MAP3K21: variants seen among roughly 807,000 people sequenced by gnomAD.
MAP3K21 encodes the protein mitogen-activated protein kinase kinase kinase 21.
A neutral mutation model predicts 86.1 loss-of-function variants in MAP3K21; 63 were observed. The observed-to-expected ratio is 0.73, with a 90% CI of 0.60 to 0.90. The LOEUF is 0.90. Ranked by LOEUF, MAP3K21 falls within the 40% of genes least tolerant of loss-of-function variation. The pLI is 0.00. For synonymous variants in MAP3K21, 558 were observed against 564.8 expected (o/e 0.99, Z 0.17); for missense variants, 1,220 against 1,367.7 (o/e 0.89, Z 1.70).
chr1:233,365,292 C>T (rs1235456184), intron 5 of MAP3K21, among the ~76,000 whole-genome samples: 1 of 151,958 alleles, frequency 6.6e-6, no homozygotes, highest in African/African-American at 2.4e-5. Flanking sequence ...TATATTGAAC[C>T]GAAAAGCTTC....
intron 6 of MAP3K21, among the ~76,000 whole-genome samples, chr1:233,375,095 C>T (rs890091672): frequency 6.6e-6 from 1 of 151,820 alleles, no homozygotes; most frequent in Non-Finnish European, 1.5e-5. Flanking sequence ...GCGCCCGCCA[C>T]CATGCCCAGT....
At chr1:233,335,299 G>GT (rs898532944) in intron 1 of MAP3K21, among the ~76,000 whole-genome samples, 12 of 152,124 alleles carry the variant, frequency 7.9e-5, no homozygotes, top group African/African-American at 2.7e-4. Flanking sequence ...TGTGAATTTA[G>GT]TTTTTAAAAT....
intron 3 of MAP3K21, 45 bp from the exon 4 acceptor site, chr1:233,354,791 A>ATG: frequency 2.8e-6 from 4 of 1,429,556 alleles, no homozygotes; most frequent in Non-Finnish European, 3.8e-6. Context: ...AGCAACTCTA[A>ATG]ACTGCGTTGA....
Position 233,327,814 on chromosome 1 carries a change from G to A in MAP3K21, c.-215G>A. 2.8e-6 allele frequency: 1 copy of A among 359,698 alleles called. No individual in the cohort carries two copies. Among genetic ancestry groups the A allele is most frequent in the Non-Finnish European group, 4.9e-6 (1 of 205,494 alleles). 22.3% of individuals were successfully genotyped at this position (359,698 alleles called of 1,614,324 possible). ...GTGGGACGTCGCCCGCGGCTTCGGG[G>A]ACCGCTGCGGCAGCAGAGGCGGCTG... On this transcript the variant is annotated 5_prime_UTR_variant, in exon 1 of 10. Transcript: ENST00000366624.
intron 1 of MAP3K21, among the ~76,000 whole-genome samples, chr1:233,330,247 T>G (rs1662785724): frequency 6.6e-6 from 1 of 152,176 alleles, no homozygotes; most frequent in Non-Finnish European, 1.5e-5. Flanking sequence ...CCCCCAAGTC[T>G]CTCTATAATT....
intron 6 of MAP3K21, 188 bp downstream of exon 6, chr1:233,372,348 A>G (rs1241240279): frequency 1.6e-5 from 10 of 625,610 alleles, no homozygotes; most frequent in Non-Finnish European, 2.5e-5. Context: ...TCTTCTACTC[A>G]CAAAAAATGA....
At position 233,328,406 on chromosome 1, in the gene MAP3K21, G is replaced by A; in HGVS notation, c.378G>A (p.Leu126=). The A allele has an allele frequency of 1.3e-6, 2 of 1,491,978 alleles. No homozygotes were observed. Among genetic ancestry groups the A allele is most frequent in the Non-Finnish European group, 1.8e-6 (2 of 1,128,892 alleles). 92.4% of individuals were successfully genotyped at this position (1,491,978 alleles called of 1,614,324 possible). The part of the protein sequence containing the change: ...PVHVAFERLE[L]KELIGAGGFG... ...ACGTCGCCTTCGAGCGGCTGGAGCTGAAGGAGCTCATCGGCGCTGGGGGCT... is the reference window on the plus strand; with the variant it reads ...ACGTCGCCTTCGAGCGGCTGGAGCTAAAGGAGCTCATCGGCGCTGGGGGCT... The change falls in exon 1 of 10, where the codon CTG becomes CTA. Residue 126 remains leucine (L), a synonymous_variant. Coordinates refer to ENST00000366624, the MANE Select transcript of MAP3K21 (RefSeq NM_032435.3). The surrounding 1 kb of genome is among the most constrained non-coding windows in gnomAD (Gnocchi z 8.7).
intron 1 of MAP3K21, among the ~76,000 whole-genome samples, chr1:233,339,899 C>G (rs1160017575): frequency 6.6e-6 from 1 of 152,078 alleles, no homozygotes; most frequent in Non-Finnish European, 1.5e-5. Context: ...TATAATAATT[C>G]ATCTTCTTCA....
intron 5 of MAP3K21, among the ~76,000 whole-genome samples, chr1:233,367,735 C>T (rs543612184): frequency 6.6e-6 from 1 of 151,944 alleles, no homozygotes; most frequent in Admixed American, 6.6e-5. Flanking sequence ...TGGCAGGCAC[C>T]TGTAATCCCA....
Position 233,383,239 on chromosome 1 carries a change from C to T in MAP3K21, c.*528C>T, listed in dbSNP as rs905488532. On this transcript the variant is annotated 3_prime_UTR_variant, in exon 10 of 10. Coordinates refer to ENST00000366624, the MANE Select transcript of MAP3K21 (RefSeq NM_032435.3). ...TAATGTGATATTAGTAAGTAAAGGT[C>T]TTAAAAGTCTGACGACTGGAATAGA... The T allele has an allele frequency of 6.7e-5, 10 of 148,544 alleles. No homozygotes were observed. The highest frequency in any genetic ancestry group is 1.0e-4 in the Non-Finnish European group (7 of 67,446). The allele number at this position is 148,544 out of a possible 1,614,324, so 9.2% of individuals were successfully genotyped here.
intron 5 of MAP3K21, among the ~76,000 whole-genome samples, chr1:233,368,316 A>AT (rs1369206526): frequency 2.0e-5 from 3 of 151,908 alleles, no homozygotes; most frequent in Admixed American, 6.6e-5. Flanking sequence ...AGTCTAGTCA[A>AT]TTTTTTACCT....
chr1:233,328,618 GC>G lies in MAP3K21; in HGVS notation c.592del (p.Leu198TrpfsTer47). On this transcript the variant is annotated frameshift_variant, in exon 1 of 10. Transcript: ENST00000366624. LOFTEE classifies it high-confidence loss of function. This position sits in a 1 kb window ranked among gnomAD's most constrained non-coding sequence, Gnocchi z 8.7. Reference protein sequence around the residue: ...RGVCLQQPHLCLVLEFARGGA... With the variant: ...RGVCLQQPHLXLVLEFARGGA... The stretch of plus-strand genomic sequence containing the variant: ...GTGTGCCTGCAGCAGCCGCACCTCT[GC>G]CTGGTGCTGGAGTTCGCCCGCGGCG... The G allele has an allele frequency of 1.1e-5, 17 of 1,495,874 alleles. No individual in the cohort carries two copies. Among genetic ancestry groups the G allele is most frequent in the Non-Finnish European group, 1.5e-5 (17 of 1,129,526 alleles). 92.7% of individuals were successfully genotyped at this position (1,495,874 alleles called of 1,614,324 possible).
At chr1:233,337,085 G>A (rs575654028) in intron 1 of MAP3K21, among the ~76,000 whole-genome samples, 2 of 152,270 alleles carry the variant, frequency 1.3e-5, no homozygotes, top group Non-Finnish European at 2.9e-5. Context: ...GTGACGTGAG[G>A]ATTAAGTGAG....
chr1:233,341,108 C>T (rs1026081130), intron 1 of MAP3K21, among the ~76,000 whole-genome samples: 9 of 152,180 alleles, frequency 5.9e-5, no homozygotes, highest in African/African-American at 2.2e-4. Context: ...AAAATCTTTA[C>T]TGAAGTCACA....
intron 1 of MAP3K21, among the ~76,000 whole-genome samples, chr1:233,341,165 A>G (rs936017579): frequency 2.0e-5 from 3 of 152,326 alleles, no homozygotes; most frequent in African/African-American, 7.2e-5. Context: ...ACAAGAATTT[A>G]CCATTTCTGT....
intron 1 of MAP3K21, among the ~76,000 whole-genome samples, chr1:233,333,032 A>G (rs1198837322): frequency 6.6e-6 from 1 of 152,224 alleles, no homozygotes; most frequent in Admixed American, 6.5e-5. Flanking sequence ...ATGAAATGCC[A>G]TTTGGAGCTC....
chr1:233,361,299 A>T (rs1409600792), intron 4 of MAP3K21, among the ~76,000 whole-genome samples: 2 of 152,238 alleles, frequency 1.3e-5, no homozygotes, highest in East Asian at 3.8e-4. Flanking sequence ...GTCTAACTTT[A>T]ATCAGTATCA....
At chr1:233,372,455 G>A (rs1663704681) in intron 6 of MAP3K21, 1 of 389,680 alleles carries the variant, frequency 2.6e-6, no homozygotes, top group Non-Finnish European at 4.5e-6. Context: ...TGCACGCAAC[G>A]TTAGCATAAC....
intron 5 of MAP3K21, among the ~76,000 whole-genome samples, chr1:233,367,717 G>A (rs1663604217): frequency 6.6e-6 from 1 of 152,040 alleles, no homozygotes; most frequent in Non-Finnish European, 1.5e-5. Flanking sequence ...AATATTAGAT[G>A]GGCGTGGTGG....
Sources: allele counts gnomAD v4.1 joint callset (sites outside exome capture counted in the v4.1 genomes callset), GRCh38; gene constraint gnomAD v4.1.1; non-coding constraint Gnocchi (gnomAD v3.1); transcripts MANE v1.5; gene names NCBI Gene and HGNC (gene_info 2026-07-23, HGNC 2026-07-21).